Variants in MTMR8 observed in about 807,000 individuals in gnomAD.
MTMR8 encodes phosphatidylinositol-3,5-bisphosphate 3-phosphatase MTMR8.
Under a neutral mutation model 39.3 loss-of-function variants are expected in MTMR8, and 65 were observed. That is an observed-to-expected ratio of 1.65 (90% CI 1.35 to 2.03). The LOEUF (loss-of-function observed/expected upper bound fraction) is 2.03, where lower values mean the gene tolerates loss of function less well. MTMR8 is among the 30% of genes most tolerant of loss of function. The pLI is 0.00. For missense variants in MTMR8, 777 were observed against 538.9 expected, an observed-to-expected ratio of 1.44 and a Z score of -4.37; for synonymous variants, 245 against 185.2, an observed-to-expected ratio of 1.32 and a Z score of -2.62.
intron 12 of MTMR8, among the ~76,000 whole-genome samples, chrX:64,289,052 TA>T (rs1224847422): frequency 3.6e-5 from 4 of 109,790 alleles, no homozygotes; most frequent in Non-Finnish European, 5.7e-5. Flanking sequence ...CAGAATATAT[TA>T]AAAACTTCTA....
intron 12 of MTMR8, among the ~76,000 whole-genome samples, chrX:64,272,410 G>A (rs1351627260): frequency 2.7e-5 from 3 of 110,775 alleles, no homozygotes; most frequent in Non-Finnish European, 5.7e-5. Context: ...GGAGTTCAAC[G>A]ACAGACTAGA....
intron 12 of MTMR8, among the ~76,000 whole-genome samples, chrX:64,276,881 G>C: frequency 9.0e-6 from 1 of 111,656 alleles, no homozygotes; most frequent in South Asian, 3.8e-4. Flanking sequence ...TTCTGTGGGA[G>C]TCTAAGTCTC....
At chrX:64,394,589 G>C (rs1273944850) in intron 1 of MTMR8, among the ~76,000 whole-genome samples, 1 of 112,029 alleles carries the variant, frequency 8.9e-6, no homozygotes, top group East Asian at 2.8e-4. Flanking sequence ...AAGGAGGGAA[G>C]TGGATTTGAA....
intron 12 of MTMR8, among the ~76,000 whole-genome samples, chrX:64,314,980 T>G (rs1045316078): frequency 6.3e-5 from 7 of 111,502 alleles, no homozygotes; most frequent in Non-Finnish European, 1.1e-4. Context: ...GCCTGAGTGA[T>G]GGACAAGACC....
At chrX:64,302,076 A>T (rs1921902413) in intron 12 of MTMR8, among the ~76,000 whole-genome samples, 1 of 112,480 alleles carries the variant, frequency 8.9e-6, no homozygotes, top group Non-Finnish European at 1.9e-5. Context: ...GGCCTCCTTG[A>T]GCTGTGGTTG....
chrX:64,278,674 A>G (rs1931937695), intron 12 of MTMR8, among the ~76,000 whole-genome samples: 1 of 108,748 alleles, frequency 9.2e-6, no homozygotes, highest in African/African-American at 3.4e-5. Flanking sequence ...GGGTTACACC[A>G]TGTTCATCAG....
chrX:64,314,154 G>A, intron 12 of MTMR8, among the ~76,000 whole-genome samples: 1 of 112,609 alleles, frequency 8.9e-6, no homozygotes, highest in Non-Finnish European at 1.9e-5. Flanking sequence ...TGTGCTAGAA[G>A]GGCCGAGGTG....
rs143007387 is a variant in MTMR8 at position 64,337,363 on chromosome X, C to T, written c.1006G>A (p.Val336Ile). Residue 336 changes from valine (V) to isoleucine (I), a missense_variant, in exon 9 of 14, where the codon GTC (valine) becomes ATC (isoleucine). Val to Ile is a conservative substitution (Grantham distance 29). Coordinates refer to ENST00000374852, the MANE Select transcript of MTMR8 (RefSeq NM_017677.4). ...AVKVEKASVL[V>I]HCSDGWDRTA... ...CGGTCCCATCCATCAGAACAATGGACTAAGACACTGGCCTTTTCTACCTTC... is the reference window on the plus strand; with the variant it reads ...CGGTCCCATCCATCAGAACAATGGATTAAGACACTGGCCTTTTCTACCTTC... 21 of 1,208,117 alleles carry T rather than the reference C, an allele frequency of 1.7e-5. No homozygotes were observed. The highest frequency in any genetic ancestry group is 2.3e-4 in the Middle Eastern group (1 of 4,371).
chrX:64,283,588 T>A (rs990018496), intron 12 of MTMR8, among the ~76,000 whole-genome samples: 1 of 112,106 alleles, frequency 8.9e-6, no homozygotes, highest in African/African-American at 3.2e-5. Flanking sequence ...AGGGGCAGAC[T>A]GACACCTCAC....
intron 12 of MTMR8, among the ~76,000 whole-genome samples, chrX:64,300,984 A>G (rs1276913055): frequency 2.8e-5 from 3 of 106,754 alleles, no homozygotes; most frequent in Admixed American, 1.0e-4. Context: ...GGGTAACCCG[A>G]CCTTTCTCTC....
chrX:64,296,943 G>A (rs1321629902), intron 12 of MTMR8, among the ~76,000 whole-genome samples: 1 of 103,065 alleles, frequency 9.7e-6, no homozygotes, highest in Non-Finnish European at 2.0e-5. Context: ...ATATTCCATG[G>A]TGTATATGTG....
In MTMR8 at chrX:64,359,419, G is replaced by C. The variant is rs764878210; in HGVS notation, c.133C>G (p.Arg45Gly). 7.5e-6 allele frequency: 9 copies of C among 1,202,726 alleles called. No homozygotes were observed. The highest frequency in any genetic ancestry group is 1.0e-5 in the Non-Finnish European group (9 of 890,362). Reference protein sequence around the residue: ...LIYVEASGAARKETWIALHHI... With the variant: ...LIYVEASGAAGKETWIALHHI... ...CATGAACATACCCATGTTTCTTTCC[G>C]GGCTGCACCTGAAGCCTCCACATAG... The change falls in exon 2 of 14, where the codon CGG becomes GGG. Residue 45 changes from arginine (R) to glycine (G), a missense_variant. Physicochemically the swap from Arg to Gly is moderately radical, Grantham distance 125 (BLOSUM62 -2). Coordinates refer to ENST00000374852, the MANE Select transcript of MTMR8 (RefSeq NM_017677.4).
At chrX:64,287,171 C>G in intron 12 of MTMR8, among the ~76,000 whole-genome samples, 1 of 111,401 alleles carries the variant, frequency 9.0e-6, no homozygotes, top group Non-Finnish European at 1.9e-5. Context: ...ACACCAATAA[C>G]AAACAAACAG....
chrX:64,302,983 C>G (rs1921953516), intron 12 of MTMR8, among the ~76,000 whole-genome samples: 2 of 112,313 alleles, frequency 1.8e-5, no homozygotes, highest in African/African-American at 6.5e-5. Context: ...TGGATGGCCT[C>G]GTGCTGTGAA....
chrX:64,288,504 A>C (rs376287138), intron 12 of MTMR8, among the ~76,000 whole-genome samples: 4 of 111,678 alleles, frequency 3.6e-5, no homozygotes, highest in African/African-American at 9.8e-5. Flanking sequence ...TTGACCCAGC[A>C]ATCCCATTAC....
At chrX:64,354,058 G>A (rs192773672) in intron 4 of MTMR8, among the ~76,000 whole-genome samples, 11 of 107,649 alleles carry the variant, frequency 1.0e-4, no homozygotes, top group Non-Finnish European at 1.7e-4. Context: ...AATGAACAAA[G>A]CATAGAAAGA....
At chrX:64,367,902 T>C (rs1924020680) in intron 1 of MTMR8, among the ~76,000 whole-genome samples, 1 of 112,108 alleles carries the variant, frequency 8.9e-6, no homozygotes, top group African/African-American at 3.2e-5. Flanking sequence ...GATAGGCAAC[T>C]TCAGCAAGGT....
At chrX:64,330,076 G>T (rs1342399246) in intron 11 of MTMR8, among the ~76,000 whole-genome samples, 2 of 111,806 alleles carry the variant, frequency 1.8e-5, no homozygotes, top group Non-Finnish European at 3.8e-5. Flanking sequence ...GTTCATGAAT[G>T]AATGACACTT....
At chrX:64,308,225 T>C (rs1475447542) in intron 12 of MTMR8, among the ~76,000 whole-genome samples, 1 of 110,917 alleles carries the variant, frequency 9.0e-6, no homozygotes, top group Non-Finnish European at 1.9e-5. Flanking sequence ...TACTTTTTTT[T>C]TTATTATTAT....
Sources: gnomAD v4.1 joint callset for allele counts (sites outside exome capture counted in the v4.1 genomes callset) on GRCh38, gnomAD v4.1.1 for gene constraint, MANE v1.5 for transcripts, NCBI Gene and HGNC (gene_info 2026-07-23, HGNC 2026-07-21) for gene names.